The following CNOT10 variants were observed in gnomAD, a reference collection of about 807,000 sequenced individuals.
CNOT10 encodes the protein CCR4-NOT transcription complex, subunit 10.
CNOT10 carries 30 observed loss-of-function variants against 94.6 expected under a neutral mutation model. That is an observed-to-expected ratio of 0.32 (90% CI 0.24 to 0.43). The LOEUF is 0.43. Ranked by LOEUF, CNOT10 falls within the 20% of genes least tolerant of loss-of-function variation. The probability of loss-of-function intolerance (pLI) is 1.00; values close to 1 mark genes in which losing one functional copy is unlikely to be tolerated. For synonymous variants in CNOT10, 289 were observed against 301.6 expected (o/e 0.96, Z 0.43); for missense variants, 759 against 877.2 (o/e 0.87, Z 1.70).
At position 32,734,832 on chromosome 3, in the gene CNOT10, G is replaced by T; in HGVS notation, c.1370G>T (p.Ser457Ile). The T allele has an allele frequency of 6.2e-7, 1 of 1,613,820 alleles. No individual in the cohort carries two copies. The highest frequency in any genetic ancestry group is 8.5e-7 in the Non-Finnish European group (1 of 1,179,842). Reference sequence around the variant, plus strand: ...CAGTCTTCGGCCATTCCTGTAGCCAGTATGGAGTTTGCAGCCATATGTCTC... The same window carrying T: ...CAGTCTTCGGCCATTCCTGTAGCCATTATGGAGTTTGCAGCCATATGTCTC... ...DGQSSAIPVA[S>I]MEFAAICLRN... is the part of the protein sequence containing the mutation. The change falls in exon 12 of 19, where the codon AGT becomes ATT. Residue 457 changes from serine (S) to isoleucine (I), a missense_variant. Ser to Ile is a moderately radical substitution (Grantham distance 142). This residue lies in a region of CNOT10 where 682 missense variants were observed against 799.4 expected (regional missense o/e 0.85). Coordinates refer to ENST00000328834, the MANE Select transcript of CNOT10 (RefSeq NM_015442.3).
intron 18 of CNOT10, among the ~76,000 whole-genome samples, chr3:32,772,335 C>G (rs898747797): frequency 6.6e-6 from 1 of 150,908 alleles, no homozygotes; most frequent in African/African-American, 2.4e-5. Context: ...AACGACAGAG[C>G]GAGACTCCGT....
intron 18 of CNOT10, among the ~76,000 whole-genome samples, chr3:32,770,799 C>T (rs910638078): frequency 4.0e-5 from 6 of 151,894 alleles, no homozygotes; most frequent in Admixed American, 2.0e-4. Context: ...CTCCGCCTCC[C>T]GGGTTCAAGG....
intron 13 of CNOT10, among the ~76,000 whole-genome samples, chr3:32,742,193 C>T (rs927563251): frequency 3.3e-5 from 5 of 151,718 alleles, no homozygotes; most frequent in Non-Finnish European, 5.9e-5. Context: ...CGTGATCCAC[C>T]GACCCCGGCC....
At chr3:32,762,444 A>AT (rs989707864) in intron 14 of CNOT10, among the ~76,000 whole-genome samples, 15 of 151,004 alleles carry the variant, frequency 9.9e-5, no homozygotes, top group Admixed American at 2.6e-4. Flanking sequence ...TAATTTTTGT[A>AT]TTTTTTTTGT....
chr3:32,689,687 G>T (rs566015978), intron 1 of CNOT10, among the ~76,000 whole-genome samples: 1 of 152,112 alleles, frequency 6.6e-6, no homozygotes. Flanking sequence ...ATAATTTAAG[G>T]CTGGGCATAG....
Position 32,763,002 on chromosome 3 carries a change from T to TA in CNOT10, c.1840+140dup. Reference sequence around the variant, plus strand: ...GGCTTTCCACATTTTTGTCTGTACTTACTTTGTAGCAGTTGTTTGCTAAGT... The same window carrying TA: ...GGCTTTCCACATTTTTGTCTGTACTTAACTTTGTAGCAGTTGTTTGCTAAGT... On this transcript the variant is annotated intron_variant, in intron 15 of 18. Transcript: ENST00000328834. 3.7e-6 allele frequency: 3 copies of TA among 815,550 alleles called. No homozygotes were observed. In the South Asian group the frequency reaches 7.9e-5, roughly 22 times the overall value. 50.5% of individuals were successfully genotyped at this position (815,550 alleles called of 1,614,324 possible). A position where few individuals can be genotyped will look rare whatever the true frequency, so the allele number is the denominator to read the frequency against.
chr3:32,767,889 C>T (rs2125645879), intron 17 of CNOT10, among the ~76,000 whole-genome samples: 1 of 152,202 alleles, frequency 6.6e-6, no homozygotes, highest in African/African-American at 2.4e-5. Flanking sequence ...GTGTACAGTC[C>T]AGCTGAGGTT....
intron 18 of CNOT10, among the ~76,000 whole-genome samples, chr3:32,770,738 G>A (rs1165790190): frequency 3.4e-5 from 5 of 147,958 alleles, no homozygotes; most frequent in Non-Finnish European, 7.4e-5. Flanking sequence ...ATGGAGTCTC[G>A]CTCTGTCACC....
chr3:32,718,238 G>T (rs1698208984), intron 7 of CNOT10, among the ~76,000 whole-genome samples: 2 of 149,064 alleles, frequency 1.3e-5, no homozygotes, highest in South Asian at 4.3e-4. Flanking sequence ...GGCCCAGTTA[G>T]CCAGCCACCC....
intron 13 of CNOT10, among the ~76,000 whole-genome samples, chr3:32,754,109 A>G (rs531794473): frequency 5.9e-5 from 9 of 151,550 alleles, no homozygotes; most frequent in Non-Finnish European, 1.0e-4. Flanking sequence ...TCTCAAAAAA[A>G]AGTTGAAGGT....
intron 12 of CNOT10, among the ~76,000 whole-genome samples, chr3:32,736,350 G>C (rs543030071): frequency 1.3e-5 from 2 of 152,260 alleles, no homozygotes; most frequent in African/African-American, 2.4e-5. Flanking sequence ...GCCTCCCAGA[G>C]TGCTGAGATT....
intron 1 of CNOT10, among the ~76,000 whole-genome samples, chr3:32,686,379 G>A (rs913907296): frequency 4.6e-5 from 7 of 152,172 alleles, no homozygotes; most frequent in Non-Finnish European, 5.9e-5. Context: ...TCAGTGTGCT[G>A]TGGATTTTAG....
chr3:32,685,503 G>A (rs1181293092), intron 1 of CNOT10, 21 bp downstream of exon 1: 3 of 1,549,962 alleles, frequency 1.9e-6, no homozygotes, highest in Non-Finnish European at 2.6e-6. Context: ...AATGTCCCGA[G>A]CGACGAGACG....
chr3:32,710,934 C>T (rs762529600), intron 4 of CNOT10, among the ~76,000 whole-genome samples: 2 of 152,128 alleles, frequency 1.3e-5, no homozygotes, highest in Non-Finnish European at 2.9e-5. Context: ...GTTGCCTAGG[C>T]TGGTCTTGAA....
Position 32,773,630 on chromosome 3 carries a change from CTG to C in CNOT10, c.*21_*22del. The C allele has an allele frequency of 1.3e-6, 2 of 1,596,372 alleles. No homozygotes were observed. Among genetic ancestry groups the C allele is most frequent in the Non-Finnish European group, 1.7e-6 (2 of 1,170,898 alleles). ...AAAGTGATACTTCACTTTTGGAAAA[CTG>C]TTACCTGAGACCCAGGGGAGAATTT... On this transcript the variant is annotated 3_prime_UTR_variant, in exon 19 of 19. Transcript: ENST00000328834.
At chr3:32,763,151 A>G (rs748452285) in intron 15 of CNOT10, among the ~76,000 whole-genome samples, 3 of 152,248 alleles carry the variant, frequency 2.0e-5, no homozygotes, top group South Asian at 2.1e-4. Flanking sequence ...TCTAAAATCC[A>G]TAGGGGAGTA....
intron 1 of CNOT10, chr3:32,687,778 G>T: frequency 6.6e-6 from 1 of 152,042 alleles, no homozygotes. Context: ...TGGTTTGTGA[G>T]CATCTTCAAA....
chr3:32,701,963 T>G (rs1697371047), intron 1 of CNOT10, among the ~76,000 whole-genome samples: 1 of 151,988 alleles, frequency 6.6e-6, no homozygotes, highest in Non-Finnish European at 1.5e-5. Context: ...CAGCTAATTT[T>G]TTTATTTTTT....
chr3:32,725,529 C>G lies in CNOT10; in HGVS notation c.942C>G (p.Phe314Leu). Reference protein sequence around the residue: ...FAMSKHNLGIFYFKKALQEND... With the variant: ...FAMSKHNLGILYFKKALQEND... ...TGAGCAAGCACAATTTGGGAATATT[C>G]TACTTTAAAAAGGCTCTGCAAGAGA... The change falls in exon 9 of 19, where the codon TTC becomes TTG. Residue 314 changes from phenylalanine (F) to leucine (L), a missense_variant. Transcript: ENST00000328834. The G allele has an allele frequency of 6.2e-7, 1 of 1,613,918 alleles. No homozygotes were observed. The highest frequency in any genetic ancestry group is 2.2e-5 in the East Asian group (1 of 44,874).
Sources: gnomAD v4.1 joint callset for allele counts (sites outside exome capture counted in the v4.1 genomes callset) on GRCh38, gnomAD v4.1.1 for gene constraint, gnomAD v4.1.1 regional missense constraint, MANE v1.5 for transcripts, NCBI Gene and HGNC (gene_info 2026-07-23, HGNC 2026-07-21) for gene names.